Variants in SACS observed in about 807,000 individuals in gnomAD.
SACS encodes the protein sacsin.
Under a neutral mutation model 348.0 loss-of-function variants are expected in SACS, and 197 were observed. That is an observed-to-expected ratio of 0.57 (90% CI 0.50 to 0.64). SACS has a LOEUF of 0.64. Ranked by LOEUF, SACS falls within the 30% of genes least tolerant of loss-of-function variation. The pLI, the probability that SACS is intolerant of heterozygous loss-of-function variation, is 0.00. For missense variants in SACS, 4,999 were observed against 5,360.8 expected (o/e 0.93, Z 2.11); for synonymous variants, 1,985 against 1,910.6 (o/e 1.04, Z -1.02).
Position 23,331,105 on chromosome 13 carries a change from A to C in SACS, c.12771T>G (p.Ser4257Arg). ...RPEESSQSRDSAPSTPTSPTE... is the reference protein window; with the variant it reads ...RPEESSQSRDRAPSTPTSPTE... ...TGGGGCTGGTTGGTGTAGAAGGAGC[A>C]CTGTCCCTGCTTTGAGAGCTTTCCT... The change falls in exon 10 of 10, where the codon AGT becomes AGG. Residue 4257 changes from serine to arginine, a missense_variant. By Grantham distance (110) the Ser-to-Arg change is moderately radical. Transcript: ENST00000382292. The C allele has an allele frequency of 6.2e-7, 1 of 1,614,124 alleles. No individual in the cohort carries two copies. The highest frequency in any genetic ancestry group is 1.1e-5 in the South Asian group (1 of 91,082).
At chr13:23,362,632 C>T (rs1207146353) in intron 6 of SACS, among the ~76,000 whole-genome samples, 1 of 137,996 alleles carries the variant, frequency 7.2e-6, no homozygotes, top group Non-Finnish European at 1.5e-5. Context: ...GTCACCCAGG[C>T]TGGAGTGCAG....
At chr13:23,372,866 CT>C (rs2137825047) in intron 3 of SACS, among the ~76,000 whole-genome samples, 1 of 152,308 alleles carries the variant, frequency 6.6e-6, no homozygotes, top group South Asian at 2.1e-4. Flanking sequence ...GCAATTTTGA[CT>C]TTTGCAAAGT....
chr13:23,372,182 G>C (rs943262613), intron 3 of SACS, among the ~76,000 whole-genome samples: 3 of 152,108 alleles, frequency 2.0e-5, no homozygotes, highest in Non-Finnish European at 4.4e-5. Flanking sequence ...AGGTTTAGTG[G>C]GAATACGTGC....
At position 23,335,049 on chromosome 13, in the gene SACS, C is replaced by CTGATAA; in HGVS notation, c.8821_8826dup (p.Leu2941_Ser2942dup). On this transcript the variant is annotated inframe_insertion, in exon 10 of 10. Coordinates refer to ENST00000382292, the MANE Select transcript of SACS (RefSeq NM_014363.6). The surrounding 1 kb of genome is among the most constrained non-coding windows in gnomAD (Gnocchi z 4.7). ...ACATGAATAGGGGTGTTCTGTAACA[C>CTGATAA]TGATAATGTTGGATCAGAACCAGGG... The CTGATAA allele has an allele frequency of 6.2e-7, 1 of 1,613,208 alleles. No homozygotes were observed.
In SACS at chr13:23,329,832, A is replaced by C; in HGVS notation, c.*304T>G. On this transcript the variant is annotated 3_prime_UTR_variant, in exon 10 of 10. Coordinates refer to ENST00000382292, the MANE Select transcript of SACS (RefSeq NM_014363.6). ...TCATCCTAACCAGAGACATACATAG[A>C]CTCTTATCTAACAAACTGCTAAGCT... 2.0e-6 allele frequency: 1 copy of C among 494,322 alleles called. No individual in the cohort carries two copies. The highest frequency in any genetic ancestry group is 3.6e-6 in the Non-Finnish European group (1 of 277,750). 30.6% of individuals were successfully genotyped at this position (494,322 alleles called of 1,614,324 possible).
intron 4 of SACS, among the ~76,000 whole-genome samples, chr13:23,370,314 ATATT>A (rs1370918388): frequency 6.6e-6 from 1 of 152,172 alleles, no homozygotes; most frequent in Non-Finnish European, 1.5e-5. Context: ...AGCACTGCAG[ATATT>A]TATTTTGCAA....
intron 2 of SACS, among the ~76,000 whole-genome samples, chr13:23,391,234 T>C (rs1872516520): frequency 6.6e-6 from 1 of 152,026 alleles, no homozygotes; most frequent in African/African-American, 2.4e-5. Flanking sequence ...TAAAAAGAGG[T>C]CAAGAGGCAC....
chr13:23,336,362 G>A lies in SACS; in HGVS notation c.7514C>T (p.Ala2505Val). ...GACATTGGATGCATATCTTTCTAAG[G>A]CTTTGTGTCGCTTTGGGACTGCTCC... ...KLGAVPKRHK[A>V]LERYASNVCF... Residue 2505 changes from alanine (A) to valine (V), a missense_variant, in exon 10 of 10, where the codon GCC (alanine) becomes GTC (valine). Coordinates refer to ENST00000382292, the MANE Select transcript of SACS (RefSeq NM_014363.6). 1.9e-6 allele frequency: 3 copies of A among 1,614,054 alleles called. No homozygotes were observed. The highest frequency in any genetic ancestry group is 2.5e-6 in the Non-Finnish European group (3 of 1,179,940).
chr13:23,338,906 C>T lies in SACS; in HGVS notation c.4970G>A (p.Ser1657Asn). 6.2e-7 allele frequency: 1 copy of T among 1,613,040 alleles called. No homozygotes were observed. ...SFRTQQEAKV[S>N]EVSSTCYNTA... ...ATTGTAGCACGTACTACTAACTTCA[C>T]TCACTTTTGCTTCCTGTTGAGTTCT... The change falls in exon 10 of 10, where the codon AGT (serine) becomes AAT (asparagine). Residue 1657 changes from serine (S) to asparagine (N), a missense_variant. By Grantham distance (46) the Ser-to-Asn change is conservative (BLOSUM62 1). Around this residue, in one of 6 missense-constraint regions of SACS, gnomAD observed 3,156 missense variants for 3,380.1 expected, o/e 0.93. Coordinates refer to ENST00000382292, the MANE Select transcript of SACS (RefSeq NM_014363.6).
chr13:23,377,122 G>A (rs576406769), intron 2 of SACS, among the ~76,000 whole-genome samples: 1 of 152,178 alleles, frequency 6.6e-6, no homozygotes. Flanking sequence ...TAGATTAGTG[G>A]GGCTGTGGGG....
chr13:23,343,517 T>A (rs1869404140), intron 9 of SACS, among the ~76,000 whole-genome samples: 1 of 152,096 alleles, frequency 6.6e-6, no homozygotes. Context: ...AAACCCCATC[T>A]CTACTAAAAA....
chr13:23,340,390 T>C lies in SACS; in HGVS notation c.3486A>G (p.Glu1162=). The C allele has an allele frequency of 6.2e-7, 1 of 1,614,180 alleles. No homozygotes were observed. Among genetic ancestry groups the C allele is most frequent in the Non-Finnish European group, 8.5e-7 (1 of 1,180,024 alleles). Residue 1162 remains glutamate (E), a synonymous_variant, in exon 10 of 10, where the codon GAA becomes GAG. Transcript: ENST00000382292. ...AAGAGCCTGGATAATTTGGAGGCCTTTCCTTGCAGGCTGGAACCCATTTTA... is the reference window on the plus strand; with the variant it reads ...AAGAGCCTGGATAATTTGGAGGCCTCTCCTTGCAGGCTGGAACCCATTTTA... ...KKIKWVPACK[E]RPPNYPGSLV...
Position 23,338,100 on chromosome 13 carries a change from T to C in SACS, c.5776A>G (p.Ser1926Gly), listed in dbSNP as rs1418724512. 6.2e-7 allele frequency: 1 copy of C among 1,614,116 alleles called. No homozygotes were observed. Among genetic ancestry groups the C allele is most frequent in the Non-Finnish European group, 8.5e-7 (1 of 1,179,986 alleles). Residue 1926 changes from serine (S) to glycine (G), a missense_variant, in exon 10 of 10, where the codon AGT becomes GGT. Ser to Gly is a moderately conservative substitution (Grantham distance 56). Coordinates refer to ENST00000382292, the MANE Select transcript of SACS (RefSeq NM_014363.6). ...CTAGTGGCCAGGTCCCGTAAGACAC[T>C]CAGTACCTGTAAGTAAGCTTTCACA... is the stretch of plus-strand genomic sequence containing the variant. ...VIVKAYLQVL[S>G]VLRDLATSGE...
chr13:23,332,562 C>T lies in SACS; in HGVS notation c.11314G>A (p.Val3772Ile), dbSNP rs1289077593. 1 of 1,613,882 alleles carries T rather than the reference C, an allele frequency of 6.2e-7. No individual in the cohort carries two copies. Among genetic ancestry groups the T allele is most frequent in the Non-Finnish European group, 8.5e-7 (1 of 1,179,896 alleles). The change falls in exon 10 of 10, where the codon GTC (valine) becomes ATC (isoleucine). Residue 3772 changes from valine (V) to isoleucine (I), a missense_variant. Coordinates refer to ENST00000382292, the MANE Select transcript of SACS (RefSeq NM_014363.6). ...AGGAATTCATATATGCTCCTTAAGA[C>T]TTTTGCTCTAGTTTTTACCATTTCT... ...DEEMVKTRAK[V>I]LRSIYEFLSA...
chr13:23,368,733 C>CT (rs1179419757), intron 4 of SACS, among the ~76,000 whole-genome samples: 1 of 152,194 alleles, frequency 6.6e-6, no homozygotes, highest in Non-Finnish European at 1.5e-5. Context: ...GAGTCTCGCT[C>CT]TGTCGCCCAA....
intron 1 of SACS, among the ~76,000 whole-genome samples, chr13:23,413,287 TATAA>T (rs1873568649): frequency 6.6e-6 from 1 of 152,220 alleles, no homozygotes; most frequent in African/African-American, 2.4e-5. Context: ...CGGCAAACTT[TATAA>T]ACAATGGTAA....
At chr13:23,404,263 T>C (rs1873110260) in intron 2 of SACS, among the ~76,000 whole-genome samples, 1 of 152,168 alleles carries the variant, frequency 6.6e-6, no homozygotes, top group Admixed American at 6.5e-5. Context: ...CAAGGCTGGT[T>C]CAACATACGC....
At chr13:23,385,313 C>G (rs1403197789) in intron 2 of SACS, among the ~76,000 whole-genome samples, 1 of 151,920 alleles carries the variant, frequency 6.6e-6, no homozygotes, top group African/African-American at 2.4e-5. Context: ...CTTCCAAACT[C>G]CTGTTAATGT....
chr13:23,365,168 T>C lies in SACS; in HGVS notation c.455A>G (p.Gln152Arg). The C allele has an allele frequency of 6.3e-7, 1 of 1,593,970 alleles. No individual in the cohort carries two copies. The highest frequency in any genetic ancestry group is 8.6e-7 in the Non-Finnish European group (1 of 1,163,918). Residue 152 changes from glutamine to arginine, a missense_variant and splice_region_variant, in exon 6 of 10, where the codon CAG becomes CGG. Around this residue, in one of 6 missense-constraint regions of SACS, gnomAD observed 3,156 missense variants for 3,380.1 expected, o/e 0.93. Transcript: ENST00000382292. ...TGTTCCTAATTATTGATTCTTACCC[T>C]GATATGGCGCCATATCTTTTGACCA... ...TLWSKDMAPY[Q>R]GPALYVYNNA...
Sources: allele counts gnomAD v4.1 joint callset (sites outside exome capture counted in the v4.1 genomes callset), GRCh38; gene constraint gnomAD v4.1.1; regional missense constraint gnomAD v4.1.1; non-coding constraint Gnocchi (gnomAD v3.1); transcripts MANE v1.5; gene names NCBI Gene and HGNC (gene_info 2026-07-23, HGNC 2026-07-21).